Variants in CEP57 observed in about 807,000 individuals in gnomAD.
CEP57 encodes the protein centrosomal protein of 57 kDa.
CEP57 carries 40 observed loss-of-function variants against 68.0 expected under a neutral mutation model. That is an observed-to-expected ratio of 0.59 (90% CI 0.46 to 0.77). The LOEUF (loss-of-function observed/expected upper bound fraction) is 0.77, where lower values mean the gene tolerates loss of function less well. Among genes scored for constraint, CEP57 ranks in the 30% least tolerant of loss-of-function variants. The pLI, the probability that CEP57 is intolerant of heterozygous loss-of-function variation, is 0.00. For missense variants in CEP57, 606 were observed against 580.7 expected, an observed-to-expected ratio of 1.04 and a Z score of -0.45; for synonymous variants, 219 against 198.7, an observed-to-expected ratio of 1.10 and a Z score of -0.86.
chr11:95,799,447 A>C, intron 2 of CEP57, 59 bp downstream of exon 2: 1 of 1,597,010 alleles, frequency 6.3e-7, no homozygotes, highest in Non-Finnish European at 8.6e-7. Flanking sequence ...TAAAATTCTT[A>C]ACTTTGTCCT....
intron 4 of CEP57, 106 bp from the exon 5 acceptor site, chr11:95,817,681 A>T: frequency 1.3e-6 from 1 of 767,726 alleles, no homozygotes; most frequent in Admixed American, 1.9e-5. Context: ...ATTTTCCTAG[A>T]AGTAGTTATG....
At chr11:95,824,727 G>T (rs1862666414) in intron 8 of CEP57, among the ~76,000 whole-genome samples, 1 of 152,180 alleles carries the variant, frequency 6.6e-6, no homozygotes. Context: ...TCAGCACCAG[G>T]ATTTAAGGAA....
intron 2 of CEP57, among the ~76,000 whole-genome samples, chr11:95,804,949 C>T (rs796261442): frequency 1.3e-4 from 20 of 152,094 alleles, no homozygotes; most frequent in African/African-American, 2.9e-4. Flanking sequence ...AACAATAAAA[C>T]GTTACGCATT....
chr11:95,817,089 C>T (rs1862327374), intron 4 of CEP57, among the ~76,000 whole-genome samples: 1 of 151,916 alleles, frequency 6.6e-6, no homozygotes, highest in South Asian at 2.1e-4. Flanking sequence ...AGTTTAGGGC[C>T]AGGTACGGTG....
At chr11:95,792,130 G>A (rs1223440213) in intron 1 of CEP57, among the ~76,000 whole-genome samples, 2 of 152,150 alleles carry the variant, frequency 1.3e-5, no homozygotes, top group African/African-American at 4.8e-5. Context: ...TTGCAGAGAG[G>A]TCTGGGGAAG....
intron 3 of CEP57, 109 bp from the exon 4 acceptor site, chr11:95,813,357 CTG>C: frequency 7.5e-7 from 1 of 1,324,836 alleles, no homozygotes; most frequent in Non-Finnish European, 1.0e-6. Context: ...GCGTCCAGGT[CTG>C]TGGAAGGTGT....
rs1292884411 is a variant in CEP57, at chr11:95,799,306, T to G, written c.120T>G (p.Pro40=). Reference sequence around the variant, plus strand: ...CTTCATCTCCATATGTAGTATATCCTTCGGATAAGCCTTTCCTTAATAGTG... The same window carrying G: ...CTTCATCTCCATATGTAGTATATCCGTCGGATAAGCCTTTCCTTAATAGTG... The part of the protein sequence containing the change: ...RHSSSPYVVY[P]SDKPFLNSDL... The change falls in exon 2 of 11, where the codon CCT becomes CCG. Residue 40 remains proline (P), a synonymous_variant. Transcript: ENST00000325542. 6.2e-7 allele frequency: 1 copy of G among 1,613,982 alleles called. No homozygotes were observed. The highest frequency in any genetic ancestry group is 1.3e-5 in the African/African-American group (1 of 74,928).
chr11:95,822,668 C>T, intron 8 of CEP57, 92 bp downstream of exon 8: 1 of 711,324 alleles, frequency 1.4e-6, no homozygotes, highest in Non-Finnish European at 2.4e-6. Context: ...ATGGAAGGAA[C>T]ATTTTTCTGT....
chr11:95,805,815 G>T (rs561061840), intron 2 of CEP57, among the ~76,000 whole-genome samples: 1 of 152,202 alleles, frequency 6.6e-6, no homozygotes, highest in South Asian at 2.1e-4. Flanking sequence ...ATGTAACAAA[G>T]AGTTACAGTA....
rs562143833 is a variant in CEP57, at chr11:95,819,596, A to C, written c.699+692A>C. Among the ~76,000 whole-genome samples the C allele has an allele frequency of 3.3e-4, 50 of 152,340 alleles. 1 individual carries two copies. The South Asian group carries it at 0.01, about 32-fold the overall frequency. ...ACTCTCGTTATGAGCGTATTTGCTC[A>C]AATTCCTCCCAGATACTCCCCTGCC... On this transcript the variant is annotated intron_variant, in intron 6 of 10. Coordinates refer to ENST00000325542, the MANE Select transcript of CEP57 (RefSeq NM_014679.5).
intron 1 of CEP57, chr11:95,795,660 TA>T: frequency 2.1e-6 from 1 of 466,862 alleles, no homozygotes; most frequent in South Asian, 3.8e-5. Context: ...CATATTATCA[TA>T]AGGAAGTAAG....
chr11:95,809,762 A>C (rs1861969491), intron 2 of CEP57, among the ~76,000 whole-genome samples: 1 of 152,212 alleles, frequency 6.6e-6, no homozygotes, highest in African/African-American at 2.4e-5. Flanking sequence ...GCCAAATTCT[A>C]CCAGAGGCAC....
At chr11:95,808,572 A>C (rs780410548) in intron 2 of CEP57, among the ~76,000 whole-genome samples, 9 of 152,206 alleles carry the variant, frequency 5.9e-5, no homozygotes, top group Non-Finnish European at 1.2e-4. Context: ...TTGCAATCCT[A>C]GTCTCTGATA....
intron 8 of CEP57, chr11:95,822,972 A>C (rs1185387420): frequency 2.0e-5 from 5 of 253,852 alleles, no homozygotes; most frequent in Admixed American, 1.5e-4. Context: ...GCTTGTCCTC[A>C]CATCCAGATC....
At chr11:95,806,715 G>A (rs543838271) in intron 2 of CEP57, among the ~76,000 whole-genome samples, 209 of 152,256 alleles carry the variant, frequency 1.4e-3, no homozygotes, top group African/African-American at 4.5e-3. Context: ...GGTAAACAGC[G>A]GTCTGGAAGC....
intron 10 of CEP57, among the ~76,000 whole-genome samples, chr11:95,829,949 T>A (rs1190768424): frequency 6.6e-6 from 1 of 151,878 alleles, no homozygotes; most frequent in Non-Finnish European, 1.5e-5. Flanking sequence ...GTTTTGGAAG[T>A]AAAAAAAATA....
Position 95,790,539 on chromosome 11 carries a change from GTGT to G in CEP57, c.-157_-155del. On this transcript the variant is annotated 5_prime_UTR_variant, in exon 1 of 11. Transcript: ENST00000325542. ...TGAGCGTAGGCGGCCCTGAGGGGGTGTGTTGCAGGGGTTTCCAAGCCCAGCACC... is the reference window on the plus strand; with the variant it reads ...TGAGCGTAGGCGGCCCTGAGGGGGTGTGCAGGGGTTTCCAAGCCCAGCACC... 1 of 764,222 alleles carries G rather than the reference GTGT, an allele frequency of 1.3e-6. No individual in the cohort carries two copies. 47.3% of individuals were successfully genotyped at this position (764,222 alleles called of 1,614,324 possible).
At chr11:95,830,387 A>C (rs1009440782) in intron 10 of CEP57, among the ~76,000 whole-genome samples, 2 of 152,204 alleles carry the variant, frequency 1.3e-5, no homozygotes, top group African/African-American at 4.8e-5. Context: ...AGTAAGGAGT[A>C]ATGGTCTAAT....
rs756701137 is a variant in CEP57 at position 95,813,481 on chromosome 11, G to A, written c.396G>A (p.Gln132=). The A allele has an allele frequency of 3.0e-5, 48 of 1,612,142 alleles. No homozygotes were observed. Among genetic ancestry groups the A allele is most frequent in the Non-Finnish European group, 4.1e-5 (48 of 1,179,784 alleles). The part of the protein sequence containing the change: ...ESKHNQELTS[Q]LLAAENKCNL... ...TATTCTTTTTAGAACTGACATCTCA[G>A]TTGTTAGCTGCAGAAAATAAATGCA... is the stretch of plus-strand genomic sequence containing the variant. The change falls in exon 4 of 11, where the codon CAG becomes CAA. Residue 132 remains glutamine, a synonymous_variant. Transcript: ENST00000325542.
Sources: gnomAD v4.1 joint callset for allele counts (sites outside exome capture counted in the v4.1 genomes callset) on GRCh38, gnomAD v4.1.1 for gene constraint, MANE v1.5 for transcripts, NCBI Gene and HGNC (gene_info 2026-07-23, HGNC 2026-07-21) for gene names.